RABGAP1: variants seen among roughly 807,000 people sequenced by gnomAD.
The protein encoded by RABGAP1 is RAB GTPase activating protein 1.
In RABGAP1, 23 loss-of-function variants were observed where a neutral mutation model predicts 137.6. The observed-to-expected ratio is 0.17, with a 90% CI of 0.12 to 0.24. The LOEUF (loss-of-function observed/expected upper bound fraction) is 0.24. Among genes scored for constraint, RABGAP1 ranks in the 10% least tolerant of loss-of-function variants. The probability of loss-of-function intolerance (pLI) is 1.00; values close to 1 mark genes in which losing one functional copy is unlikely to be tolerated. For synonymous variants in RABGAP1, 451 were observed against 450.7 expected (o/e 1.00, Z -0.01); for missense variants, 906 against 1,275.8 (o/e 0.71, Z 4.42).
At chr9:122,962,345 C>CA (rs113523828) in intron 2 of RABGAP1, among the ~76,000 whole-genome samples, 3 of 151,500 alleles carry the variant, frequency 2.0e-5, no homozygotes, top group African/African-American at 7.3e-5. Context: ...CCCATCTCTA[C>CA]AAAAAACAAA....
chr9:122,956,764 G>C (rs547973312), intron 1 of RABGAP1, among the ~76,000 whole-genome samples: 1 of 152,052 alleles, frequency 6.6e-6, no homozygotes, highest in Admixed American at 6.5e-5. Flanking sequence ...AAGTAGTTAG[G>C]GTTATCCTGA....
intron 1 of RABGAP1, among the ~76,000 whole-genome samples, chr9:122,943,098 T>G (rs1050651963): frequency 2.2e-5 from 2 of 89,842 alleles, no homozygotes; most frequent in Non-Finnish European, 4.1e-5. Flanking sequence ...TTTTTTTTTT[T>G]TTTGAGACTG....
chr9:123,091,278 G>T (rs1361180297), intron 21 of RABGAP1, among the ~76,000 whole-genome samples: 3 of 152,268 alleles, frequency 2.0e-5, no homozygotes, highest in African/African-American at 7.2e-5. Context: ...TTTTACGGGG[G>T]TCTTACATTA....
chr9:123,030,580 T>C (rs149842471), intron 13 of RABGAP1, among the ~76,000 whole-genome samples: 3 of 152,194 alleles, frequency 2.0e-5, no homozygotes, highest in Non-Finnish European at 2.9e-5. Flanking sequence ...TACATACTTA[T>C]GAGGTATATA....
chr9:122,988,378 C>T (rs1377197430), intron 4 of RABGAP1, among the ~76,000 whole-genome samples: 2 of 152,080 alleles, frequency 1.3e-5, no homozygotes, highest in Non-Finnish European at 2.9e-5. Flanking sequence ...TGCCTTACTG[C>T]CCTGATCAGA....
intron 13 of RABGAP1, among the ~76,000 whole-genome samples, chr9:123,042,786 T>C (rs2033014453): frequency 6.6e-6 from 1 of 152,114 alleles, no homozygotes; most frequent in African/African-American, 2.4e-5. Flanking sequence ...ACAAGAAAAT[T>C]TTCCAGTGCT....
intron 13 of RABGAP1, among the ~76,000 whole-genome samples, chr9:123,047,522 T>A (rs916501665): frequency 1.2e-4 from 19 of 152,176 alleles, no homozygotes; most frequent in Non-Finnish European, 2.4e-4. Flanking sequence ...AAGTTTTAAG[T>A]TTTTTAGTTA....
rs145032276 is a variant in RABGAP1, at chr9:123,001,625, A to T, written c.1374+2859A>T. On this transcript the variant is annotated intron_variant, in intron 10 of 25. Transcript: ENST00000373647. ...GCAGAGATTAGGGGTCGTCATCTAG[A>T]ACTTGAATTTGGAGTCAGAGCACAT... Among the ~76,000 whole-genome samples the T allele has an allele frequency of 1.6e-3, 248 of 152,278 alleles. 2 individuals carry two copies. Among genetic ancestry groups the T allele is most frequent in the East Asian group, 0.014 (73 of 5,188 alleles).
intron 13 of RABGAP1, among the ~76,000 whole-genome samples, chr9:123,044,326 G>A (rs2033101857): frequency 6.6e-6 from 1 of 152,136 alleles, no homozygotes; most frequent in African/African-American, 2.4e-5. Flanking sequence ...GTAAATGGGG[G>A]CATAATAGCA....
At chr9:123,079,381 A>G (rs1263864616) in intron 19 of RABGAP1, among the ~76,000 whole-genome samples, 2 of 151,850 alleles carry the variant, frequency 1.3e-5, no homozygotes, top group Non-Finnish European at 2.9e-5. Context: ...CTGAGATTAC[A>G]GGTGCACCAC....
intron 10 of RABGAP1, among the ~76,000 whole-genome samples, chr9:123,003,945 A>G (rs919691380): frequency 1.3e-5 from 2 of 152,244 alleles, no homozygotes; most frequent in Non-Finnish European, 2.9e-5. Flanking sequence ...TTTATAAATG[A>G]AGAAGCTGAT....
intron 2 of RABGAP1, among the ~76,000 whole-genome samples, chr9:122,967,046 G>A (rs1835196341): frequency 6.6e-6 from 1 of 152,186 alleles, no homozygotes; most frequent in Non-Finnish European, 1.5e-5. Flanking sequence ...TGAGATTTGG[G>A]TGGGGACACA....
chr9:122,932,579 G>C, the RABGAP1 span, among the ~76,000 whole-genome samples: 2 of 151,838 alleles, frequency 1.3e-5, no homozygotes, highest in Non-Finnish European at 2.9e-5. Flanking sequence ...GCCCAGGCTG[G>C]AGTGCAATGG....
At chr9:122,947,240 A>G (rs1376047788) in intron 1 of RABGAP1, among the ~76,000 whole-genome samples, 1 of 152,260 alleles carries the variant, frequency 6.6e-6, no homozygotes, top group African/African-American at 2.4e-5. Flanking sequence ...CAGTTATGAA[A>G]TGATAAATAT....
chr9:122,944,229 CT>C (rs111695965), intron 1 of RABGAP1, among the ~76,000 whole-genome samples: 438 of 144,522 alleles, frequency 3.0e-3, no homozygotes, highest in Middle Eastern at 3.5e-3. Context: ...ATACAACACA[CT>C]TTTTTTTTTT....
chr9:122,989,073 G>C (rs1434994217), intron 4 of RABGAP1, among the ~76,000 whole-genome samples: 1 of 151,334 alleles, frequency 6.6e-6, no homozygotes, highest in African/African-American at 2.4e-5. Flanking sequence ...CTTTCTGTTT[G>C]CCTCCCTAAA....
chr9:123,022,523 C>CAAAAAAAAAAAAAAATAA (rs1554719431), intron 13 of RABGAP1, among the ~76,000 whole-genome samples: 1 of 152,030 alleles, frequency 6.6e-6, no homozygotes, highest in Non-Finnish European at 1.5e-5. Flanking sequence ...TCTCCTGCCG[C>CAAAAAAAAAAAAAAATAA]AGCCCCCTGA....
At position 123,094,062 on chromosome 9, in the gene RABGAP1, C is replaced by T. The variant is rs560417919; in HGVS notation, c.2628+3677C>T. 2.0e-5 allele frequency among the ~76,000 whole-genome samples: 3 copies of T among 152,290 alleles called. No individual in the cohort carries two copies. The South Asian group carries it at 6.2e-4, about 32-fold the overall frequency. On this transcript the variant is annotated intron_variant, in intron 21 of 25. Coordinates refer to ENST00000373647, the MANE Select transcript of RABGAP1 (RefSeq NM_012197.4). Reference sequence around the variant, plus strand: ...CATCTTCCAGTTGTGTATTGCTAGTCTCTAGAGATGCAGTTGGTCTTTGTG... The same window carrying T: ...CATCTTCCAGTTGTGTATTGCTAGTTTCTAGAGATGCAGTTGGTCTTTGTG...
At chr9:123,000,988 A>G (rs760187961) in intron 10 of RABGAP1, among the ~76,000 whole-genome samples, 22 of 152,200 alleles carry the variant, frequency 1.4e-4, no homozygotes, top group Admixed American at 1.2e-3. Flanking sequence ...AAGTGCTGGG[A>G]TAACAGGCTT....
Sources: gnomAD v4.1 joint callset for allele counts (sites outside exome capture counted in the v4.1 genomes callset) on GRCh38, gnomAD v4.1.1 for gene constraint, MANE v1.5 for transcripts, NCBI Gene and HGNC (gene_info 2026-07-23, HGNC 2026-07-21) for gene names.